The following ERGIC1 variants were observed in gnomAD, a reference collection of about 807,000 sequenced individuals.
The protein encoded by ERGIC1 is endoplasmic reticulum-golgi intermediate compartment 1.
In ERGIC1, 19 loss-of-function variants were observed where a neutral mutation model predicts 38.3. That is an observed-to-expected ratio of 0.50 (90% CI 0.35 to 0.73). The LOEUF (loss-of-function observed/expected upper bound fraction) is 0.73. Ranked by LOEUF, ERGIC1 falls within the 30% of genes least tolerant of loss-of-function variation. The pLI, the probability that ERGIC1 is intolerant of heterozygous loss-of-function variation, is 0.01. For synonymous variants in ERGIC1, 124 were observed against 157.6 expected, an observed-to-expected ratio of 0.79 and a Z score of 1.60; for missense variants, 294 against 389.2, an observed-to-expected ratio of 0.76 and a Z score of 2.06.
intron 1 of ERGIC1, among the ~76,000 whole-genome samples, chr5:172,847,816 T>C (rs1761315629): frequency 6.6e-6 from 1 of 152,232 alleles, no homozygotes. Flanking sequence ...CCCGGCCACA[T>C]GTGTTATTTA....
chr5:172,866,332 C>T (rs793029), intron 1 of ERGIC1, among the ~76,000 whole-genome samples: 93,271 of 151,932 alleles, frequency 0.61, 29,202 homozygotes, highest in Middle Eastern at 0.69. Context: ...GGGCCCCTGC[C>T]GCTGCCCTGG....
Position 172,912,480 on chromosome 5 carries a change from C to T in ERGIC1, c.251-2234C>T, listed in dbSNP as rs188037852. Among the ~76,000 whole-genome samples the T allele has an allele frequency of 2.3e-3, 348 of 152,294 alleles. 3 individuals carry two copies. The highest frequency in any genetic ancestry group is 7.8e-3 in the African/African-American group (324 of 41,562). On this transcript the variant is annotated intron_variant, in intron 4 of 9. Coordinates refer to ENST00000393784, the MANE Select transcript of ERGIC1 (RefSeq NM_001031711.3). ...TTAGCTCACTGCAACCTCCGCCTCC[C>T]GGGTTCAAGCCATTCTCCTGCCTCA...
At position 172,932,449 on chromosome 5, in the gene ERGIC1, C is replaced by T. The variant is rs1211302446; in HGVS notation, c.555C>T (p.His185=). 1.9e-6 allele frequency: 3 copies of T among 1,614,172 alleles called. No individual in the cohort carries two copies. The highest frequency in any genetic ancestry group is 3.3e-5 in the Admixed American group (2 of 60,022). The part of the protein sequence containing the change: ...DRLTSNPLAS[H]DYILKIVPTV... Reference sequence around the variant, plus strand: ...TCCTTCCCGCAGCCCTGGCCTCCCACGACTACATCCTGAAGATTGTGCCCA... The same window carrying T: ...TCCTTCCCGCAGCCCTGGCCTCCCATGACTACATCCTGAAGATTGTGCCCA... The change falls in exon 8 of 10, where the codon CAC becomes CAT. Residue 185 remains histidine, a synonymous_variant. Coordinates refer to ENST00000393784, the MANE Select transcript of ERGIC1 (RefSeq NM_001031711.3).
chr5:172,901,220 C>T (rs1762867392), intron 3 of ERGIC1, among the ~76,000 whole-genome samples: 1 of 152,188 alleles, frequency 6.6e-6, no homozygotes, highest in South Asian at 2.1e-4. Context: ...ACATAAGACG[C>T]TTATTCTGGC....
At position 172,859,148 on chromosome 5, in the gene ERGIC1, G is replaced by A. The variant is rs139440892; in HGVS notation, c.20+24715G>A. On this transcript the variant is annotated intron_variant, in intron 1 of 9. Transcript: ENST00000393784. Reference sequence around the variant, plus strand: ...CTCCTCCTGGTGCTTGGGTCATGTCGTTCCCTGTGCATGCCAGTCCCCTTA... The same window carrying A: ...CTCCTCCTGGTGCTTGGGTCATGTCATTCCCTGTGCATGCCAGTCCCCTTA... Among the ~76,000 whole-genome samples, 3 of 152,192 alleles carry A rather than the reference G, an allele frequency of 2.0e-5. No individual in the cohort carries two copies. In the East Asian group the frequency reaches 5.8e-4, roughly 29 times the overall value.
chr5:172,941,848 GCAAACATTTGCCAGAAA>G (rs1200970848), intron 9 of ERGIC1, among the ~76,000 whole-genome samples: 1 of 152,206 alleles, frequency 6.6e-6, no homozygotes, highest in Non-Finnish European at 1.5e-5. Flanking sequence ...TTAGGCTTCT[GCAAACATTTGCCAGAAA>G]CTAAGGCAGC....
chr5:172,905,578 C>T (rs977422142), intron 3 of ERGIC1: 13 of 386,520 alleles, frequency 3.4e-5, no homozygotes, highest in South Asian at 9.1e-5. Context: ...CACTTAGCCA[C>T]GCAGGAACAA....
chr5:172,887,348 C>T lies in ERGIC1; in HGVS notation c.21-1351C>T, dbSNP rs533554703. On this transcript the variant is annotated intron_variant, in intron 1 of 9. Coordinates refer to ENST00000393784, the MANE Select transcript of ERGIC1 (RefSeq NM_001031711.3). ...TCTGCTGTGGGAGAACTGTCTGCTACGCAGGTTCAAGTGAAGGAAACGAAG... is the reference window on the plus strand; with the variant it reads ...TCTGCTGTGGGAGAACTGTCTGCTATGCAGGTTCAAGTGAAGGAAACGAAG... Among the ~76,000 whole-genome samples, 13 of 152,328 alleles carry T rather than the reference C, an allele frequency of 8.5e-5. No homozygotes were observed. In the South Asian group the frequency reaches 2.1e-3, roughly 24 times the overall value.
intron 2 of ERGIC1, among the ~76,000 whole-genome samples, chr5:172,890,457 G>A (rs957601619): frequency 2.0e-5 from 3 of 152,230 alleles, no homozygotes; most frequent in African/African-American, 7.2e-5. Context: ...TCATGGTACT[G>A]TACTAATGTT....
chr5:172,874,783 C>T (rs962081917), intron 1 of ERGIC1, among the ~76,000 whole-genome samples: 1 of 151,894 alleles, frequency 6.6e-6, no homozygotes, highest in Admixed American at 6.6e-5. Context: ...AAAAATTAGC[C>T]AGGTGCAGTG....
intron 5 of ERGIC1, among the ~76,000 whole-genome samples, chr5:172,918,761 C>T (rs569219956): frequency 7.9e-5 from 12 of 152,348 alleles, no homozygotes; most frequent in Admixed American, 1.3e-4. Context: ...GAGAGGTTCA[C>T]AGTGCCGGCA....
chr5:172,909,380 G>C (rs1763148764), intron 3 of ERGIC1, among the ~76,000 whole-genome samples: 1 of 152,008 alleles, frequency 6.6e-6, no homozygotes. Context: ...GGCTAGTCTT[G>C]AACTCCTGAC....
At chr5:172,890,256 T>C (rs76238538) in intron 2 of ERGIC1, among the ~76,000 whole-genome samples, 2,168 of 152,264 alleles carry the variant, frequency 0.014, 31 homozygotes, top group Non-Finnish European at 0.023. Context: ...GGACATTCTA[T>C]AGGATACTTG....
rs192998371 is a variant in ERGIC1 at position 172,867,926 on chromosome 5, C to T, written c.21-20773C>T. ...TAGGAGGGAGACGTAATGCCCCTCC[C>T]CATTTTACTGATGAGTAAACTGAGG... On this transcript the variant is annotated intron_variant, in intron 1 of 9. Transcript: ENST00000393784. 2.8e-4 allele frequency among the ~76,000 whole-genome samples: 43 copies of T among 152,306 alleles called. No homozygotes were observed. In the East Asian group the frequency reaches 6.6e-3, roughly 23 times the overall value.
chr5:172,886,582 G>A (rs1237225596), intron 1 of ERGIC1, among the ~76,000 whole-genome samples: 4 of 152,138 alleles, frequency 2.6e-5, no homozygotes, highest in South Asian at 2.1e-4. Flanking sequence ...TAGGCACTGC[G>A]TAAATGTTTG....
At chr5:172,918,768 G>A (rs995195497) in intron 5 of ERGIC1, among the ~76,000 whole-genome samples, 3 of 152,222 alleles carry the variant, frequency 2.0e-5, no homozygotes, top group Non-Finnish European at 2.9e-5. Context: ...TCACAGTGCC[G>A]GCAGGCAGGT....
At chr5:172,907,697 C>A (rs1285998081) in intron 3 of ERGIC1, among the ~76,000 whole-genome samples, 1 of 152,140 alleles carries the variant, frequency 6.6e-6, no homozygotes, top group African/African-American at 2.4e-5. Context: ...CTACGCATCC[C>A]CCAGACCTCA....
At chr5:172,920,821 C>T (rs1763493315) in intron 5 of ERGIC1, among the ~76,000 whole-genome samples, 1 of 152,252 alleles carries the variant, frequency 6.6e-6, no homozygotes, top group South Asian at 2.1e-4. Flanking sequence ...CGTAGAAAAC[C>T]TCTGGGAGGA....
intron 1 of ERGIC1, among the ~76,000 whole-genome samples, chr5:172,885,500 A>C (rs903033711): frequency 6.6e-6 from 1 of 152,146 alleles, no homozygotes; most frequent in Admixed American, 6.5e-5. Context: ...TGACCTGGAC[A>C]AAAGCTGGGC....
Sources: gnomAD v4.1 joint callset for allele counts (sites outside exome capture counted in the v4.1 genomes callset) on GRCh38, gnomAD v4.1.1 for gene constraint, MANE v1.5 for transcripts, NCBI Gene and HGNC (gene_info 2026-07-23, HGNC 2026-07-21) for gene names.